The following GCNT2 variants were observed in gnomAD, a reference collection of about 807,000 sequenced individuals.
The protein encoded by GCNT2 is N-acetyllactosaminide beta-1,6-N-acetylglucosaminyl-transferase.
GCNT2 carries 34 observed loss-of-function variants against 34.2 expected under a neutral mutation model. That is an observed-to-expected ratio of 1.00 (90% confidence interval 0.76 to 1.32). GCNT2 has a LOEUF of 1.32. GCNT2 is among the 40% of genes most tolerant of loss of function. The pLI, the probability that GCNT2 is intolerant of heterozygous loss-of-function variation, is 0.00. For synonymous variants in GCNT2, 212 were observed against 188.0 expected (o/e 1.13, Z -1.04); for missense variants, 584 against 489.4 (o/e 1.19, Z -1.82).
intron 3 of GCNT2, among the ~76,000 whole-genome samples, chr6:10,576,699 C>G (rs184979538): frequency 7.3e-5 from 11 of 151,068 alleles, no homozygotes; most frequent in South Asian, 4.2e-4. Context: ...GAGAGAGAGA[C>G]ACACACATAG....
intron 3 of GCNT2, among the ~76,000 whole-genome samples, chr6:10,536,642 C>T (rs1394452933): frequency 6.6e-6 from 1 of 151,814 alleles, no homozygotes; most frequent in African/African-American, 2.4e-5. Flanking sequence ...GCGTGAGCTA[C>T]CGTGCCCGGT....
intron 3 of GCNT2, among the ~76,000 whole-genome samples, chr6:10,578,220 G>A (rs895983910): frequency 6.6e-6 from 1 of 151,494 alleles, no homozygotes; most frequent in Non-Finnish European, 1.5e-5. Context: ...GTGAAACCCC[G>A]TGTCTAATAA....
chr6:10,584,081 C>T (rs982256030), intron 3 of GCNT2, among the ~76,000 whole-genome samples: 4 of 152,040 alleles, frequency 2.6e-5, no homozygotes, highest in East Asian at 1.9e-4. Context: ...GGACCAACAC[C>T]GGTGCTCACT....
intron 3 of GCNT2, among the ~76,000 whole-genome samples, chr6:10,538,799 A>T (rs148985959): frequency 6.6e-6 from 1 of 152,328 alleles, no homozygotes; most frequent in East Asian, 1.9e-4. Flanking sequence ...TTTGCCAATT[A>T]TACCATCTTC....
chr6:10,618,991 A>G (rs917752046), intron 3 of GCNT2, among the ~76,000 whole-genome samples: 7 of 152,318 alleles, frequency 4.6e-5, no homozygotes, highest in Middle Eastern at 3.4e-3. Flanking sequence ...CCTGGTTACA[A>G]ATCAGATCAT....
At chr6:10,572,088 G>T (rs904233088) in intron 3 of GCNT2, among the ~76,000 whole-genome samples, 1 of 150,912 alleles carries the variant, frequency 6.6e-6, no homozygotes, top group Non-Finnish European at 1.5e-5. Flanking sequence ...CTGAAATCCC[G>T]TGTTCTGGGA....
chr6:10,559,639 GC>G (rs1561799295), intron 3 of GCNT2, among the ~76,000 whole-genome samples: 1 of 152,248 alleles, frequency 6.6e-6, no homozygotes, highest in African/African-American at 2.4e-5. Flanking sequence ...ATCATGTACT[GC>G]CCATCAACTT....
intron 3 of GCNT2, among the ~76,000 whole-genome samples, chr6:10,601,949 AAAAAAAAAAAAC>A (rs1561830942): frequency 1.3e-5 from 2 of 148,862 alleles, no homozygotes; most frequent in African/African-American, 5.1e-5. Flanking sequence ...TCAAGAAAAA[AAAAAAAAAAAAC>A]AAAAAAAACA....
chr6:10,613,628 T>C (rs1765645724), intron 3 of GCNT2, among the ~76,000 whole-genome samples: 1 of 152,194 alleles, frequency 6.6e-6, no homozygotes, highest in Admixed American at 6.5e-5. Context: ...ATTTTTAAGA[T>C]GAAACTAGAC....
rs1421926442 is a variant in GCNT2 at position 10,582,487 on chromosome 6, CTATAATATATAA to C, written c.926-38856_926-38845del. Among the ~76,000 whole-genome samples, 7 of 103,644 alleles carry C rather than the reference CTATAATATATAA, an allele frequency of 6.8e-5. No individual in the cohort carries two copies. The East Asian group carries it at 1.3e-3, about 19-fold the overall frequency. 68.0% of individuals were successfully genotyped at this position (103,644 alleles called of 152,430 possible). ...AATATAATATATACTATAATATATA[CTATAATATATAA>C]TATAATACATCATATATTATATTAT... is the stretch of plus-strand genomic sequence containing the variant. On this transcript the variant is annotated intron_variant, in intron 3 of 4. Coordinates refer to ENST00000495262, the MANE Select transcript of GCNT2 (RefSeq NM_145649.5).
At chr6:10,561,384 A>G (rs1561800780) in intron 3 of GCNT2, among the ~76,000 whole-genome samples, 1 of 151,874 alleles carries the variant, frequency 6.6e-6, no homozygotes, top group Non-Finnish European at 1.5e-5. Context: ...CTGGTCTCGA[A>G]CTCCCGACCT....
intron 3 of GCNT2, among the ~76,000 whole-genome samples, chr6:10,582,230 A>G (rs1470574255): frequency 9.6e-6 from 1 of 103,900 alleles, no homozygotes; most frequent in Non-Finnish European, 2.0e-5. Flanking sequence ...AATTATATAT[A>G]TTTAAATATA....
In GCNT2 at chr6:10,573,237, C is replaced by T. The variant is rs145828507; in HGVS notation, c.925+43401C>T. ...TTCTCAACTTCTTTTTCCTCGGATG[C>T]GACATTCGGAATCAGAGAAAAGTTG... On this transcript the variant is annotated intron_variant, in intron 3 of 4. Transcript: ENST00000495262. 1.0e-5 allele frequency: 10 copies of T among 984,242 alleles called. No individual in the cohort carries two copies. The South Asian group carries it at 1.9e-4, about 19-fold the overall frequency. The allele number at this position is 984,242 out of a possible 1,614,324, so 61.0% of individuals were successfully genotyped here.
intron 3 of GCNT2, among the ~76,000 whole-genome samples, chr6:10,548,510 A>G (rs1162098146): frequency 6.6e-6 from 1 of 152,238 alleles, no homozygotes; most frequent in South Asian, 2.1e-4. Flanking sequence ...GTCATCACTC[A>G]TACTTTCCTG....
At chr6:10,609,365 A>C (rs1378083299) in intron 3 of GCNT2, among the ~76,000 whole-genome samples, 2 of 152,228 alleles carry the variant, frequency 1.3e-5, no homozygotes, top group African/African-American at 4.8e-5. Flanking sequence ...CTTTTACAAT[A>C]AATCCACTCC....
intron 3 of GCNT2, among the ~76,000 whole-genome samples, chr6:10,537,565 G>A (rs1396991549): frequency 1.3e-5 from 2 of 151,840 alleles, no homozygotes; most frequent in South Asian, 4.2e-4. Context: ...GCCGGGCGTG[G>A]TGGCGGGCAC....
intron 3 of GCNT2, among the ~76,000 whole-genome samples, chr6:10,567,579 A>G (rs1215510180): frequency 6.6e-6 from 1 of 152,168 alleles, no homozygotes; most frequent in Non-Finnish European, 1.5e-5. Context: ...TGACTCTGCA[A>G]CCTCACCTCT....
At chr6:10,584,061 TAGTA>T (rs1200367346) in intron 3 of GCNT2, among the ~76,000 whole-genome samples, 5 of 152,104 alleles carry the variant, frequency 3.3e-5, no homozygotes, top group African/African-American at 1.2e-4. Flanking sequence ...GACCGGCGCT[TAGTA>T]AGTGAGGACC....
intron 3 of GCNT2, chr6:10,556,138 T>C: frequency 3.8e-6 from 5 of 1,314,706 alleles, no homozygotes; most frequent in Non-Finnish European, 4.9e-6. Flanking sequence ...AGCTAGCAGA[T>C]GCAAACGGGG....
Sources: gnomAD v4.1 joint callset for allele counts (sites outside exome capture counted in the v4.1 genomes callset) on GRCh38, gnomAD v4.1.1 for gene constraint, MANE v1.5 for transcripts, NCBI Gene and HGNC (gene_info 2026-07-23, HGNC 2026-07-21) for gene names.